The following FKBP1B variants were observed in gnomAD, a reference collection of about 807,000 sequenced individuals.
FKBP1B encodes the protein peptidyl-prolyl cis-trans isomerase FKBP1B.
Under a neutral mutation model 13.5 loss-of-function variants are expected in FKBP1B, and 4 were observed. The ratio of observed to expected loss-of-function variants is 0.30; its 90% CI spans 0.15 to 0.68. The LOEUF (loss-of-function observed/expected upper bound fraction) is 0.68. Ranked by LOEUF, FKBP1B falls within the 30% of genes least tolerant of loss-of-function variation. The probability of loss-of-function intolerance (pLI) is 0.76; values close to 1 mark genes in which losing one functional copy is unlikely to be tolerated. For missense variants in FKBP1B, 93 were observed against 136.2 expected (o/e 0.68, Z 1.58); for synonymous variants, 54 against 53.6 (o/e 1.01, Z -0.03).
At chr2:24,048,620 G>T (rs1346063100), upstream of FKBP1B, among the ~76,000 whole-genome samples, 1 of 151,844 alleles carries the variant, frequency 6.6e-6, no homozygotes, top group Non-Finnish European at 1.5e-5. Context: ...TCCAAAAATT[G>T]ATATACTTGG....
chr2:24,045,854 A>G (rs1663607239), upstream of FKBP1B: 1 of 152,172 alleles, frequency 6.6e-6, no homozygotes, highest in Admixed American at 6.6e-5. Context: ...TTGGCAGCAC[A>G]TATACTAAGA....
upstream of FKBP1B, among the ~76,000 whole-genome samples, chr2:24,047,917 G>A (rs528626788): frequency 7.9e-5 from 12 of 152,310 alleles, no homozygotes; most frequent in African/African-American, 2.6e-4. Flanking sequence ...TCAGACCTAT[G>A]AGGAATTCCA....
At chr2:24,040,514 G>A in the FKBP1B span, among the ~76,000 whole-genome samples, 1 of 152,100 alleles carries the variant, frequency 6.6e-6, no homozygotes, top group Non-Finnish European at 1.5e-5. Context: ...TCCCTCTATT[G>A]AAATGACACT....
rs1000567815 is a variant in FKBP1B at position 24,062,474 on chromosome 2, C to T, written c.199-590C>T. On this transcript the variant is annotated intron_variant, in intron 3 of 3. Coordinates refer to ENST00000380986, the MANE Select transcript of FKBP1B (RefSeq NM_004116.5). Reference sequence around the variant, plus strand: ...GATTACAGGTGTGAGCCACCACGCCCGGACTTTTTGTATTTTTTAGTAGAG... The same window carrying T: ...GATTACAGGTGTGAGCCACCACGCCTGGACTTTTTGTATTTTTTAGTAGAG... 1.1e-4 allele frequency among the ~76,000 whole-genome samples: 16 copies of T among 151,992 alleles called. No homozygotes were observed. The South Asian group carries it at 1.5e-3, about 14-fold the overall frequency.
intron 1 of FKBP1B, among the ~76,000 whole-genome samples, chr2:24,052,544 A>C (rs1663927746): frequency 6.6e-6 from 1 of 152,198 alleles, no homozygotes; most frequent in Non-Finnish European, 1.5e-5. Flanking sequence ...GCCATCCTGG[A>C]CCACTCTGTC....
chr2:24,060,546 T>C (rs1383402449), intron 2 of FKBP1B, among the ~76,000 whole-genome samples: 1 of 152,050 alleles, frequency 6.6e-6, no homozygotes, highest in Non-Finnish European at 1.5e-5. Flanking sequence ...ATTGAGATTC[T>C]GTCTCAAATA....
the FKBP1B span, among the ~76,000 whole-genome samples, chr2:24,042,863 G>A: frequency 6.1e-5 from 9 of 148,344 alleles, no homozygotes; most frequent in Middle Eastern, 3.7e-3. Context: ...GAGAAACCCC[G>A]TCTCTACTAA....
the FKBP1B span, among the ~76,000 whole-genome samples, chr2:24,035,866 T>C: frequency 2.6e-5 from 4 of 151,414 alleles, no homozygotes; most frequent in African/African-American, 4.9e-5. Context: ...GTCAGGAGAT[T>C]GAGCTCATCC....
the FKBP1B span, chr2:24,039,647 A>G: frequency 1.4e-6 from 1 of 709,004 alleles, no homozygotes; most frequent in Non-Finnish European, 2.3e-6. Context: ...GGGGAGTATT[A>G]TAAATTAAGA....
chr2:24,049,674 C>T, upstream of FKBP1B: 4 of 423,998 alleles, frequency 9.4e-6, no homozygotes, highest in Middle Eastern at 6.3e-4. Context: ...GGCTCCGCCC[C>T]GCCGCCCCCT....
chr2:24,037,552 C>T, the FKBP1B span: 2 of 1,127,164 alleles, frequency 1.8e-6, no homozygotes, highest in Non-Finnish European at 2.5e-6. Context: ...TTGCCTGTAA[C>T]ATAACATGCC....
intron 3 of FKBP1B, 110 bp from the exon 4 acceptor site, chr2:24,062,954 G>T: frequency 6.7e-7 from 1 of 1,496,510 alleles, no homozygotes; most frequent in East Asian, 2.3e-5. Flanking sequence ...GAGATCTTCA[G>T]AGTTAACATT....
the FKBP1B span, among the ~76,000 whole-genome samples, chr2:24,041,925 A>G: frequency 6.6e-6 from 1 of 151,828 alleles, no homozygotes; most frequent in Non-Finnish European, 1.5e-5. Context: ...TATTTGGATA[A>G]GCTGTAATAC....
the FKBP1B span, chr2:24,038,581 T>G: frequency 1.2e-6 from 2 of 1,614,102 alleles, no homozygotes; most frequent in African/African-American, 1.3e-5. Flanking sequence ...GTAGTCCTTT[T>G]TTCTTAGACA....
chr2:24,038,158 G>A, the FKBP1B span: 1 of 1,614,216 alleles, frequency 6.2e-7, no homozygotes, highest in Non-Finnish European at 8.5e-7. Flanking sequence ...AGAGTAGGTA[G>A]TCTGGCTTTC....
In FKBP1B at chr2:24,063,467, CAGATCTCTTGTTCG is replaced by C; in HGVS notation, c.*276_*289del. On this transcript the variant is annotated 3_prime_UTR_variant, in exon 4 of 4. Coordinates refer to ENST00000380986, the MANE Select transcript of FKBP1B (RefSeq NM_004116.5). Reference sequence around the variant, plus strand: ...AGTAGCCTTTCCTGATGACAGAACACAGATCTCTTGTTCGCACAATCTACACTGCCTTACCTTCA... The same window carrying C: ...AGTAGCCTTTCCTGATGACAGAACACCACAATCTACACTGCCTTACCTTCA... The C allele has an allele frequency of 2.7e-6, 1 of 369,226 alleles. No individual in the cohort carries two copies. The allele number at this position is 369,226 out of a possible 1,614,324, so 22.9% of individuals were successfully genotyped here. A position where few individuals can be genotyped will look rare whatever the true frequency, so the allele number is the denominator to read the frequency against.
At chr2:24,037,554 T>C in the FKBP1B span, 2 of 1,152,432 alleles carry the variant, frequency 1.7e-6, no homozygotes, top group Non-Finnish European at 2.4e-6. Flanking sequence ...GCCTGTAACA[T>C]AACATGCCCA....
intron 2 of FKBP1B, 38 bp from the exon 3 acceptor site, chr2:24,060,776 G>C: frequency 6.7e-7 from 1 of 1,497,562 alleles, no homozygotes. Context: ...GTTTACTCAT[G>C]ACCACAGCTC....
At chr2:24,058,909 CA>C (rs2150968840) in intron 2 of FKBP1B, among the ~76,000 whole-genome samples, 1 of 152,302 alleles carries the variant, frequency 6.6e-6, no homozygotes, top group East Asian at 1.9e-4. Flanking sequence ...GTACCCAGGG[CA>C]AAAGCTTAAT....
Sources: allele counts gnomAD v4.1 joint callset (sites outside exome capture counted in the v4.1 genomes callset), GRCh38; gene constraint gnomAD v4.1.1; transcripts MANE v1.5; gene names NCBI Gene and HGNC (gene_info 2026-07-23, HGNC 2026-07-21).